The following PPRC1 variants were observed in gnomAD, a reference collection of about 807,000 sequenced individuals.
PPRC1 encodes the protein PPARG related coactivator 1.
Under a neutral mutation model 132.5 loss-of-function variants are expected in PPRC1, and 23 were observed. That is an observed-to-expected ratio of 0.17 (90% CI 0.12 to 0.25). The LOEUF (loss-of-function observed/expected upper bound fraction) is 0.25. Among genes scored for constraint, PPRC1 ranks in the 10% least tolerant of loss-of-function variants. PPRC1 has a pLI of 1.00. For synonymous variants in PPRC1, 872 were observed against 833.5 expected, an observed-to-expected ratio of 1.05 and a Z score of -0.80; for missense variants, 2,006 against 2,089.1, an observed-to-expected ratio of 0.96 and a Z score of 0.78.
intron 1 of PPRC1, among the ~76,000 whole-genome samples, chr10:102,134,573 A>T (rs1014776106): frequency 2.0e-5 from 3 of 152,170 alleles, no homozygotes; most frequent in Non-Finnish European, 4.4e-5. Flanking sequence ...GCTGCCTGGT[A>T]ATATCAGGTC....
intron 13 of PPRC1, among the ~76,000 whole-genome samples, 160 bp downstream of exon 13, chr10:102,149,489 T>C (rs748496772): frequency 6.6e-6 from 1 of 152,042 alleles, no homozygotes; most frequent in Non-Finnish European, 1.5e-5. Context: ...TCCCAGCACT[T>C]TGGGAGGCTG....
upstream of PPRC1, among the ~76,000 whole-genome samples, chr10:102,130,958 C>T (rs913148298): frequency 6.6e-6 from 1 of 151,030 alleles, no homozygotes; most frequent in Non-Finnish European, 1.5e-5. Context: ...TTTGGGAGGC[C>T]GAGGCAGGCA....
chr10:102,142,047 G>T, intron 5 of PPRC1, 43 bp downstream of exon 5: 1 of 1,553,338 alleles, frequency 6.4e-7, no homozygotes, highest in Non-Finnish European at 8.7e-7. Flanking sequence ...CAAGTTGGCT[G>T]GGGGACTCTA....
intron 5 of PPRC1, among the ~76,000 whole-genome samples, chr10:102,142,209 TCTC>T (rs1284947720): frequency 1.3e-5 from 2 of 151,902 alleles, no homozygotes; most frequent in Admixed American, 6.6e-5. Flanking sequence ...TTCAAGCAAT[TCTC>T]CTGCCTCAGC....
Position 102,139,485 on chromosome 10 carries a change from T to C in PPRC1, c.977T>C (p.Leu326Pro). The C allele has an allele frequency of 1.2e-6, 2 of 1,614,050 alleles. No individual in the cohort carries two copies. Among genetic ancestry groups the C allele is most frequent in the East Asian group, 4.5e-5 (2 of 44,880 alleles). Reference protein sequence around the residue: ...CLPNLTHLASLEDELQEQPDD... With the variant: ...CLPNLTHLASPEDELQEQPDD... ...CCCAACCTCACCCACCTGGCATCAC[T>C]TGAGGATGAGCTTCAGGAGCAGCCA... The change falls in exon 5 of 14, where the codon CTT becomes CCT. Residue 326 changes from leucine to proline, a missense_variant. Around this residue, in one of 2 missense-constraint regions of PPRC1, gnomAD observed 1,914 missense variants for 1,917.2 expected, o/e 1.00. Transcript: ENST00000278070.
rs760577766 is a variant in PPRC1, at chr10:102,147,276, T to A, written c.4284T>A (p.Arg1428=). ...AGGGCCGCCGAGGCCGCAACAGCCG[T>A]TCTGTCAGCTCTGGGTCCAACCGGA... ...GWQGRRGRNS[R]SVSSGSNRTS... is the part of the protein sequence containing the mutation. The change falls in exon 9 of 14, where the codon CGT becomes CGA. Residue 1428 remains arginine, a synonymous_variant. Coordinates refer to ENST00000278070, the MANE Select transcript of PPRC1 (RefSeq NM_015062.5). The A allele has an allele frequency of 1.4e-5, 23 of 1,612,854 alleles. No homozygotes were observed. The highest frequency in any genetic ancestry group is 1.9e-5 in the Non-Finnish European group (22 of 1,180,040).
chr10:102,140,922 C>A lies in PPRC1; in HGVS notation c.2414C>A (p.Thr805Lys). ...LVIPPAPAKK[T>K]ALQRSPETPL... Reference sequence around the variant, plus strand: ...ATCCCACCAGCCCCAGCCAAGAAGACAGCTCTGCAGAGAAGCCCTGAAACA... The same window carrying A: ...ATCCCACCAGCCCCAGCCAAGAAGAAAGCTCTGCAGAGAAGCCCTGAAACA... The change falls in exon 5 of 14, where the codon ACA becomes AAA. Residue 805 changes from threonine to lysine, a missense_variant. This residue lies in a region of PPRC1 where 1,914 missense variants were observed against 1,917.2 expected (regional missense o/e 1.00). Coordinates refer to ENST00000278070, the MANE Select transcript of PPRC1 (RefSeq NM_015062.5). 1 of 1,614,004 alleles carries A rather than the reference C, an allele frequency of 6.2e-7. No homozygotes were observed. The highest frequency in any genetic ancestry group is 1.3e-5 in the African/African-American group (1 of 75,038).
Position 102,150,177 on chromosome 10 carries a change from C to A in PPRC1, c.*148C>A. On this transcript the variant is annotated 3_prime_UTR_variant, in exon 14 of 14. Coordinates refer to ENST00000278070, the MANE Select transcript of PPRC1 (RefSeq NM_015062.5). ...AAGTGAAATAAAAAATATGTTGAATCAGATTTTTTAAAAGGGGTATTTGTT... is the reference window on the plus strand; with the variant it reads ...AAGTGAAATAAAAAATATGTTGAATAAGATTTTTTAAAAGGGGTATTTGTT... The A allele has an allele frequency of 1.6e-6, 1 of 613,124 alleles. No homozygotes were observed. Among genetic ancestry groups the A allele is most frequent in the South Asian group, 2.1e-5 (1 of 47,336 alleles). 38.0% of individuals were successfully genotyped at this position (613,124 alleles called of 1,614,324 possible). A position where few individuals can be genotyped will look rare whatever the true frequency, so the allele number is the denominator to read the frequency against.
In PPRC1 at chr10:102,147,205, T is replaced by TA. The variant is rs1315218382; in HGVS notation, c.4214dup (p.Tyr1405Ter). 1 of 1,613,792 alleles carries TA rather than the reference T, an allele frequency of 6.2e-7. No homozygotes were observed. ...AGCCAAGCAGCGGTCAATGCGCTGT[T>TA]ACCGAAAAGCCTGCAGGTCAGCCAG... The part of the protein sequence containing the change: ...PSAKQRSMRC[Y>*]RKACRSASPS... Residue 1405 changes from tyrosine (Y) to a stop codon, truncating the protein, a stop_gained and frameshift_variant, in exon 9 of 14, where the codon TAC (tyrosine) becomes TAAC (stop). Coordinates refer to ENST00000278070, the MANE Select transcript of PPRC1 (RefSeq NM_015062.5). LOFTEE classifies it high-confidence loss of function.
chr10:102,140,832 CAACTGGG>C lies in PPRC1; in HGVS notation c.2327_2333del (p.Thr776SerfsTer45). Reference sequence around the variant, plus strand: ...ACAGAAGAGAGAAGTCCACAGCCCCCAACTGGGAAGTGGCCTAGCCTTCCAGAGACTC... The same window carrying C: ...ACAGAAGAGAGAAGTCCACAGCCCCCAAGTGGCCTAGCCTTCCAGAGACTC... On this transcript the variant is annotated frameshift_variant, in exon 5 of 14. Coordinates refer to ENST00000278070, the MANE Select transcript of PPRC1 (RefSeq NM_015062.5). LOFTEE classifies it high-confidence loss of function. The C allele has an allele frequency of 6.2e-7, 1 of 1,614,040 alleles. No homozygotes were observed. The highest frequency in any genetic ancestry group is 8.5e-7 in the Non-Finnish European group (1 of 1,180,026).
chr10:102,128,234 G>C (rs989330043), upstream of PPRC1, among the ~76,000 whole-genome samples: 3 of 151,824 alleles, frequency 2.0e-5, no homozygotes, highest in African/African-American at 7.3e-5. Flanking sequence ...CCGACTCCCT[G>C]GTTCAAGCGA....
rs2069388241 is a variant in PPRC1, at chr10:102,148,881, A to G, written c.4682A>G (p.Gln1561Arg). Residue 1561 changes from glutamine (Q) to arginine (R), a missense_variant, in exon 12 of 14, where the codon CAG (glutamine) becomes CGG (arginine). Gln to Arg is a conservative substitution (Grantham distance 43). Transcript: ENST00000278070. This position sits in a 1 kb window ranked among gnomAD's most constrained non-coding sequence, Gnocchi z 4.2. The part of the protein sequence containing the change: ...PGRMTRSELK[Q>R]RFSVFGEIEE... ...CGCATGACTCGATCAGAGCTGAAAC[A>G]GAGGTTCTCCGTTTTTGGAGAGATT... The G allele has an allele frequency of 6.2e-7, 1 of 1,614,198 alleles. No individual in the cohort carries two copies. The highest frequency in any genetic ancestry group is 8.5e-7 in the Non-Finnish European group (1 of 1,180,006).
Position 102,147,335 on chromosome 10 carries a change from C to T in PPRC1, c.4343C>T (p.Ser1448Phe), listed in dbSNP as rs780452477. 1 of 1,611,668 alleles carries T rather than the reference C, an allele frequency of 6.2e-7. No homozygotes were observed. Among genetic ancestry groups the T allele is most frequent in the South Asian group, 1.1e-5 (1 of 91,088 alleles). ...GCATCTTCCTCATCCTCATCATCGT[C>T]TTCCTCATCCCGATCTCGGTCCAGG... is the stretch of plus-strand genomic sequence containing the variant. Reference protein sequence around the residue: ...SEASSSSSSSSSSSRSRSRSL... With the variant: ...SEASSSSSSSFSSSRSRSRSL... The change falls in exon 9 of 14, where the codon TCT becomes TTT. Residue 1448 changes from serine (S) to phenylalanine (F), a missense_variant. Ser to Phe is a radical substitution (Grantham distance 155, BLOSUM62 -2). Around this residue, in one of 2 missense-constraint regions of PPRC1, gnomAD observed 1,914 missense variants for 1,917.2 expected, o/e 1.00. Transcript: ENST00000278070.
At position 102,148,638 on chromosome 10, in the gene PPRC1, T is replaced by C; in HGVS notation, c.4561T>C (p.Tyr1521His). ...ACCCTCTTTTGTCAGGTACAGCTCT[T>C]ATCGTTCACATGACCATTACCAAAG... The part of the protein sequence containing the change: ...RSDRRRRYSS[Y>H]RSHDHYQRQR... Residue 1521 changes from tyrosine to histidine, a missense_variant, in exon 11 of 14, where the codon TAT becomes CAT. Coordinates refer to ENST00000278070, the MANE Select transcript of PPRC1 (RefSeq NM_015062.5). The surrounding 1 kb of genome is among the most constrained non-coding windows in gnomAD (Gnocchi z 4.2). The C allele has an allele frequency of 6.2e-7, 1 of 1,614,158 alleles. No individual in the cohort carries two copies. Among genetic ancestry groups the C allele is most frequent in the Non-Finnish European group, 8.5e-7 (1 of 1,180,026 alleles).
chr10:102,142,193 C>T (rs1284545912), intron 5 of PPRC1, among the ~76,000 whole-genome samples, 189 bp downstream of exon 5: 1 of 152,046 alleles, frequency 6.6e-6, no homozygotes, highest in Admixed American at 6.6e-5. Flanking sequence ...CTCACTGCCT[C>T]CCAGGTTCAA....
chr10:102,126,077 A>G, the PPRC1 span, among the ~76,000 whole-genome samples: 1 of 152,022 alleles, frequency 6.6e-6, no homozygotes, highest in African/African-American at 2.4e-5. Context: ...GGTCAGGCTC[A>G]TCTCGAATTC....
intron 8 of PPRC1, among the ~76,000 whole-genome samples, chr10:102,146,020 A>T (rs2069230203): frequency 6.6e-6 from 1 of 152,228 alleles, no homozygotes; most frequent in African/African-American, 2.4e-5. Context: ...TTCTAGGAAG[A>T]CAGAGCATCT....
chr10:102,120,487 C>G, the PPRC1 span: 1 of 669,004 alleles, frequency 1.5e-6, no homozygotes, highest in Non-Finnish European at 1.9e-6. Flanking sequence ...GCCGGCTCCC[C>G]AGCCCAAGCC....
At chr10:102,144,568 C>G in intron 7 of PPRC1, 1 of 543,722 alleles carries the variant, frequency 1.8e-6, no homozygotes, top group South Asian at 2.3e-5. Flanking sequence ...TATCTCCTGG[C>G]AAGTCATACC....
Sources: allele counts gnomAD v4.1 joint callset (sites outside exome capture counted in the v4.1 genomes callset), GRCh38; gene constraint gnomAD v4.1.1; regional missense constraint gnomAD v4.1.1; non-coding constraint Gnocchi (gnomAD v3.1); transcripts MANE v1.5; gene names NCBI Gene and HGNC (gene_info 2026-07-23, HGNC 2026-07-21).